UNC5C: variants seen among roughly 807,000 people sequenced by gnomAD.
UNC5C encodes unc-5 netrin receptor C.
In UNC5C, 47 loss-of-function variants were observed where a neutral mutation model predicts 99.8. That is an observed-to-expected ratio of 0.47 (90% CI 0.37 to 0.60). UNC5C has a LOEUF of 0.60. Ranked by LOEUF, UNC5C falls within the 20% of genes least tolerant of loss-of-function variation. The pLI, the probability that UNC5C is intolerant of heterozygous loss-of-function variation, is 0.00. For synonymous variants in UNC5C, 487 were observed against 452.2 expected, an observed-to-expected ratio of 1.08 and a Z score of -0.98; for missense variants, 1,062 against 1,165.9, an observed-to-expected ratio of 0.91 and a Z score of 1.30.
chr4:95,173,291 G>A (rs1263669414), intron 14 of UNC5C, among the ~76,000 whole-genome samples: 1 of 130,650 alleles, frequency 7.7e-6, no homozygotes, highest in Non-Finnish European at 1.7e-5. Context: ...AATAGGAGTG[G>A]TGAGAGAGGG....
intron 1 of UNC5C, among the ~76,000 whole-genome samples, chr4:95,460,334 T>C (rs947811926): frequency 6.6e-6 from 1 of 152,010 alleles, no homozygotes; most frequent in Non-Finnish European, 1.5e-5. Flanking sequence ...AGCAATAACT[T>C]AAATAGTTAG....
In UNC5C at chr4:95,219,009, G is replaced by T. The variant is rs1738359040; in HGVS notation, c.1605C>A (p.Ser535Arg). Residue 535 changes from serine to arginine, a missense_variant, in exon 9 of 16, where the codon AGC becomes AGA. By Grantham distance (110) the Ser-to-Arg change is moderately radical. This residue lies in a region of UNC5C where 810 missense variants were observed against 854.5 expected (regional missense o/e 0.95). Transcript: ENST00000453304. ...QTDPSCTAFGSFNSLGGHLIV... is the reference protein window; with the variant it reads ...QTDPSCTAFGRFNSLGGHLIV... ...TAAGGTGACCTCCCAGCGAGTTGAA[G>T]CTGCCAAATGCGGTACAGGATGGAT... 1 of 1,612,812 alleles carries T rather than the reference G, an allele frequency of 6.2e-7. No homozygotes were observed. Among genetic ancestry groups the T allele is most frequent in the African/African-American group, 1.3e-5 (1 of 75,008 alleles).
At chr4:95,483,653 A>C (rs1445406860) in intron 1 of UNC5C, among the ~76,000 whole-genome samples, 1 of 151,706 alleles carries the variant, frequency 6.6e-6, no homozygotes, top group Admixed American at 6.6e-5. Flanking sequence ...AATCACCCCA[A>C]ATCAGGCCTC....
chr4:95,491,270 G>A (rs1721483623), intron 1 of UNC5C, among the ~76,000 whole-genome samples: 1 of 151,446 alleles, frequency 6.6e-6, no homozygotes, highest in South Asian at 2.1e-4. Flanking sequence ...TCAATATAGT[G>A]CTGTATTGCT....
chr4:95,535,606 A>T (rs1357281656), intron 1 of UNC5C, among the ~76,000 whole-genome samples: 1 of 152,196 alleles, frequency 6.6e-6, no homozygotes, highest in Non-Finnish European at 1.5e-5. Context: ...TGAAACTAAG[A>T]TTTTAACTTG....
intron 4 of UNC5C, among the ~76,000 whole-genome samples, chr4:95,269,783 G>C (rs1022661327): frequency 6.6e-6 from 1 of 151,864 alleles, no homozygotes; most frequent in Non-Finnish European, 1.5e-5. Flanking sequence ...TGCAATCTCA[G>C]CTCACTGCAA....
chr4:95,300,046 G>C (rs984736674), intron 3 of UNC5C, among the ~76,000 whole-genome samples: 1 of 152,158 alleles, frequency 6.6e-6, no homozygotes, highest in Non-Finnish European at 1.5e-5. Context: ...TTAGAAGCAG[G>C]ATTGATGGGA....
intron 1 of UNC5C, among the ~76,000 whole-genome samples, chr4:95,504,601 A>C (rs1421480499): frequency 1.5e-4 from 23 of 152,094 alleles, no homozygotes; most frequent in Non-Finnish European, 5.9e-5. Context: ...GGCAAGGAGA[A>C]AATTCTTTTA....
intron 14 of UNC5C, among the ~76,000 whole-genome samples, chr4:95,181,649 C>T (rs1736616987): frequency 1.3e-5 from 2 of 151,674 alleles, no homozygotes; most frequent in Admixed American, 1.3e-4. Context: ...TGCCATGGCA[C>T]CCTGACACCG....
At chr4:95,254,642 C>T (rs547111830) in intron 4 of UNC5C, among the ~76,000 whole-genome samples, 1 of 152,272 alleles carries the variant, frequency 6.6e-6, no homozygotes, top group African/African-American at 2.4e-5. Context: ...TCAAAATATG[C>T]ATCCTAGTAA....
At chr4:95,347,172 CAAATA>C (rs1743806843) in intron 1 of UNC5C, among the ~76,000 whole-genome samples, 1 of 151,796 alleles carries the variant, frequency 6.6e-6, no homozygotes, top group Non-Finnish European at 1.5e-5. Flanking sequence ...ACAGTGGCTA[CAAATA>C]AAATAAAATC....
chr4:95,291,144 C>G (rs2149399700), intron 3 of UNC5C, among the ~76,000 whole-genome samples: 1 of 151,940 alleles, frequency 6.6e-6, no homozygotes, highest in Non-Finnish European at 1.5e-5. Flanking sequence ...AAATGACATC[C>G]ACTACAGAAA....
chr4:95,497,842 T>C (rs917889850), intron 1 of UNC5C, among the ~76,000 whole-genome samples: 1 of 152,000 alleles, frequency 6.6e-6, no homozygotes, highest in African/African-American at 2.4e-5. Context: ...AAAATACGCA[T>C]TTTATTGAGA....
intron 1 of UNC5C, among the ~76,000 whole-genome samples, chr4:95,413,734 G>GTT (rs1746078467): frequency 6.6e-6 from 1 of 152,064 alleles, no homozygotes; most frequent in African/African-American, 2.4e-5. Flanking sequence ...CCATTTCCGC[G>GTT]TAGCCTATTT....
intron 2 of UNC5C, among the ~76,000 whole-genome samples, chr4:95,312,652 T>C (rs1003655458): frequency 6.6e-6 from 1 of 152,200 alleles, no homozygotes; most frequent in Admixed American, 6.5e-5. Flanking sequence ...CTGAATCCAA[T>C]GTTCCTATTC....
intron 1 of UNC5C, among the ~76,000 whole-genome samples, chr4:95,403,269 GAAGA>G (rs1221415005): frequency 6.6e-6 from 1 of 152,232 alleles, no homozygotes; most frequent in African/African-American, 2.4e-5. Flanking sequence ...TCTGCTGGGA[GAAGA>G]ACATTTGAAG....
At chr4:95,497,969 G>A (rs888793607) in intron 1 of UNC5C, among the ~76,000 whole-genome samples, 3 of 151,886 alleles carry the variant, frequency 2.0e-5, no homozygotes, top group Non-Finnish European at 2.9e-5. Flanking sequence ...CATAGTCATG[G>A]CATAATGCAC....
intron 4 of UNC5C, among the ~76,000 whole-genome samples, chr4:95,253,971 A>G (rs2149383341): frequency 6.6e-6 from 1 of 152,228 alleles, no homozygotes; most frequent in Admixed American, 6.5e-5. Context: ...CTCATACTAA[A>G]GTCTAGGTCT....
chr4:95,317,637 C>T lies in UNC5C; in HGVS notation c.347-15888G>A, dbSNP rs147040133. On this transcript the variant is annotated intron_variant, in intron 2 of 15. Transcript: ENST00000453304. The stretch of plus-strand genomic sequence containing the variant: ...GCTGTGAGCAGGAGGAAAATGAGCG[C>T]TATGCAGAGCCAGGCTGAGCAGTTC... 1.7e-3 allele frequency among the ~76,000 whole-genome samples: 255 copies of T among 152,198 alleles called. 2 individuals carry two copies. Among genetic ancestry groups the T allele is most frequent in the African/African-American group, 5.8e-3 (242 of 41,524 alleles).
Sources: allele counts gnomAD v4.1 joint callset (sites outside exome capture counted in the v4.1 genomes callset), GRCh38; gene constraint gnomAD v4.1.1; regional missense constraint gnomAD v4.1.1; transcripts MANE v1.5; gene names NCBI Gene and HGNC (gene_info 2026-07-23, HGNC 2026-07-21).